The following RTN3 variants were observed in gnomAD, a reference collection of about 807,000 sequenced individuals.
The protein encoded by RTN3 is reticulon 3, also known as reticulon-3.
Under a neutral mutation model 77.8 loss-of-function variants are expected in RTN3, and 49 were observed. That is an observed-to-expected ratio of 0.63 (90% CI 0.50 to 0.80). RTN3 has a LOEUF of 0.80. Ranked by LOEUF, RTN3 falls within the 30% of genes least tolerant of loss-of-function variation. The probability of loss-of-function intolerance (pLI) is 0.00; values close to 1 mark genes in which losing one functional copy is unlikely to be tolerated. For missense variants in RTN3, 1,236 were observed against 1,211.9 expected (o/e 1.02, Z -0.29); for synonymous variants, 464 against 446.9 (o/e 1.04, Z -0.48).
chr11:63,692,602 C>CA (rs1046944396), intron 1 of RTN3, among the ~76,000 whole-genome samples: 2 of 150,762 alleles, frequency 1.3e-5, no homozygotes, highest in South Asian at 2.1e-4. Flanking sequence ...ACTAAAAATA[C>CA]AAAAAAAAAT....
chr11:63,719,305 G>A lies in RTN3; in HGVS notation c.803G>A (p.Ser268Asn), dbSNP rs990507362. ...DKEFKDSYKE[S>N]TDDFGSWSVH... ...GAATTTAAAGACTCATATAAGGAGA[G>A]CACAGATGATTTTGGTAGCTGGTCT... Residue 268 changes from serine to asparagine, a missense_variant, in exon 3 of 9, where the codon AGC (serine) becomes AAC (asparagine). This residue lies in a region of RTN3 where 1,056 missense variants were observed against 990.4 expected (regional missense o/e 1.07). Coordinates refer to ENST00000377819, the MANE Select transcript of RTN3 (RefSeq NM_001265589.2). 6.2e-7 allele frequency: 1 copy of A among 1,614,170 alleles called. No individual in the cohort carries two copies.
At chr11:63,709,600 A>G (rs1942652657) in intron 2 of RTN3, among the ~76,000 whole-genome samples, 1 of 152,128 alleles carries the variant, frequency 6.6e-6, no homozygotes, top group African/African-American at 2.4e-5. Context: ...AAAAAAAAGA[A>G]AAACATTTTT....
At chr11:63,742,130 C>T (rs1310201860) in intron 3 of RTN3, among the ~76,000 whole-genome samples, 1 of 151,474 alleles carries the variant, frequency 6.6e-6, no homozygotes. Flanking sequence ...CAGGCACCTG[C>T]CACCACACCC....
chr11:63,716,897 A>G (rs2011433725), intron 2 of RTN3, among the ~76,000 whole-genome samples: 1 of 139,662 alleles, frequency 7.2e-6, no homozygotes, highest in South Asian at 2.4e-4. Flanking sequence ...CGAACCCGGG[A>G]GGCGGAGCTT....
At chr11:63,700,390 C>T (rs1219201303) in intron 1 of RTN3, among the ~76,000 whole-genome samples, 1 of 149,114 alleles carries the variant, frequency 6.7e-6, no homozygotes, top group African/African-American at 2.5e-5. Flanking sequence ...ATCCTCTTAC[C>T]TCAGCCTTCC....
intron 1 of RTN3, among the ~76,000 whole-genome samples, chr11:63,700,090 G>A (rs1942158591): frequency 6.6e-6 from 1 of 152,172 alleles, no homozygotes; most frequent in Admixed American, 6.5e-5. Context: ...AGGGAGTGGT[G>A]TTAGGTGAAG....
At chr11:63,727,032 A>C (rs1408809032) in intron 3 of RTN3, among the ~76,000 whole-genome samples, 1 of 152,036 alleles carries the variant, frequency 6.6e-6, no homozygotes, top group Non-Finnish European at 1.5e-5. Flanking sequence ...TCCACTAAAA[A>C]ATACAAAATT....
intron 5 of RTN3, 148 bp downstream of exon 5, chr11:63,752,793 GAGA>G: frequency 1.1e-6 from 1 of 878,664 alleles, no homozygotes. Context: ...GGTGTCACTA[GAGA>G]AAGGTATAGC....
intron 1 of RTN3, among the ~76,000 whole-genome samples, chr11:63,699,069 C>T (rs1465255949): frequency 6.6e-6 from 1 of 152,132 alleles, no homozygotes; most frequent in Non-Finnish European, 1.5e-5. Flanking sequence ...GGGCGGGTCA[C>T]TTTAGGTCAG....
chr11:63,746,993 C>T, intron 3 of RTN3: 1 of 456,074 alleles, frequency 2.2e-6, no homozygotes, highest in Non-Finnish European at 4.4e-6. Flanking sequence ...TCTCCTTACT[C>T]TCCTTTAATC....
chr11:63,749,899 GTATT>G, intron 3 of RTN3, 88 bp from the exon 4 acceptor site: 1 of 898,974 alleles, frequency 1.1e-6, no homozygotes, highest in Non-Finnish European at 1.8e-6. Context: ...GGGCATACCT[GTATT>G]TGTGTGCTAA....
intron 2 of RTN3, among the ~76,000 whole-genome samples, chr11:63,717,648 G>A (rs1385711200): frequency 1.3e-5 from 2 of 151,854 alleles, no homozygotes; most frequent in South Asian, 4.1e-4. Context: ...ACCCAGCCAA[G>A]TTAACTCTGT....
chr11:63,681,859 G>A, intron 1 of RTN3, 81 bp downstream of exon 1: 2 of 1,387,118 alleles, frequency 1.4e-6, no homozygotes, highest in Admixed American at 2.9e-5. Flanking sequence ...AGGCGAGGCG[G>A]GAGGAGGACG....
chr11:63,692,286 G>T (rs570810925), intron 1 of RTN3, among the ~76,000 whole-genome samples: 19 of 152,232 alleles, frequency 1.2e-4, no homozygotes, highest in African/African-American at 4.6e-4. Context: ...GCCTCCAAAA[G>T]TGCTGGGATT....
In RTN3 at chr11:63,725,799, T is replaced by C. The variant is rs536216706; in HGVS notation, c.2530+4767T>C. ...GTCTGTTTTTACACATATGTGACTA[T>C]TTCCCCAGCGTTAGGGTGCTACTGC... On this transcript the variant is annotated intron_variant, in intron 3 of 8. Coordinates refer to ENST00000377819, the MANE Select transcript of RTN3 (RefSeq NM_001265589.2). 2.6e-5 allele frequency among the ~76,000 whole-genome samples: 4 copies of C among 152,328 alleles called. No homozygotes were observed. In the East Asian group the frequency reaches 5.8e-4, roughly 22 times the overall value.
At chr11:63,707,854 A>T (rs1942574245) in intron 2 of RTN3, among the ~76,000 whole-genome samples, 1 of 152,146 alleles carries the variant, frequency 6.6e-6, no homozygotes, top group African/African-American at 2.4e-5. Flanking sequence ...AAAACAAAAG[A>T]ATGCCCTATC....
rs147286661 is a variant in RTN3, at chr11:63,716,091, C to T, written c.200-2611C>T. 2.6e-3 allele frequency among the ~76,000 whole-genome samples: 396 copies of T among 152,264 alleles called. 1 individual carries two copies. Among genetic ancestry groups the T allele is most frequent in the Non-Finnish European group, 4.0e-3 (269 of 68,010 alleles). ...TTTGCCACCAAGCTTTTACAGTTTT[C>T]CTTGAATGTACAAAGACTTTTTATT... is the stretch of plus-strand genomic sequence containing the variant. On this transcript the variant is annotated intron_variant, in intron 2 of 8. Coordinates refer to ENST00000377819, the MANE Select transcript of RTN3 (RefSeq NM_001265589.2).
At chr11:63,747,692 C>T (rs1001598074) in intron 3 of RTN3, among the ~76,000 whole-genome samples, 2 of 152,130 alleles carry the variant, frequency 1.3e-5, no homozygotes, top group African/African-American at 4.8e-5. Flanking sequence ...AACTAGGTAC[C>T]CTCAAGACAA....
intron 3 of RTN3, among the ~76,000 whole-genome samples, chr11:63,729,427 A>G (rs1276883835): frequency 2.1e-5 from 3 of 145,576 alleles, no homozygotes; most frequent in African/African-American, 7.7e-5. Context: ...ACTATAGCAA[A>G]GGTTTCTGCT....
Sources: gnomAD v4.1 joint callset for allele counts (sites outside exome capture counted in the v4.1 genomes callset) on GRCh38, gnomAD v4.1.1 for gene constraint, gnomAD v4.1.1 regional missense constraint, MANE v1.5 for transcripts, NCBI Gene and HGNC (gene_info 2026-07-23, HGNC 2026-07-21) for gene names.